SMARCA1: variants seen among roughly 807,000 people sequenced by gnomAD.
The protein encoded by SMARCA1 is SNF2 related chromatin remodeling ATPase 1.
Under a neutral mutation model 93.6 loss-of-function variants are expected in SMARCA1, and 17 were observed. The observed-to-expected ratio is 0.18, with a 90% CI of 0.12 to 0.27. SMARCA1 has a LOEUF of 0.27. Ranked by LOEUF, SMARCA1 falls within the 10% of genes least tolerant of loss-of-function variation. The pLI is 1.00. For missense variants in SMARCA1, 630 were observed against 819.0 expected (o/e 0.77, Z 2.82); for synonymous variants, 271 against 271.4 (o/e 1.00, Z 0.01).
At chrX:129,457,534 G>A (rs756294430) in intron 23 of SMARCA1, among the ~76,000 whole-genome samples, 4 of 112,217 alleles carry the variant, frequency 3.6e-5, no homozygotes, top group Admixed American at 1.9e-4. Context: ...TTGACACAGA[G>A]TTCATAAAAT....
chrX:129,491,179 C>A (rs1487726250), intron 14 of SMARCA1, among the ~76,000 whole-genome samples: 1 of 111,829 alleles, frequency 8.9e-6, no homozygotes, highest in Non-Finnish European at 1.9e-5. Flanking sequence ...CTAAGTTATA[C>A]CTCATTGGCA....
chrX:129,508,089 A>C lies in SMARCA1; in HGVS notation c.818T>G (p.Phe273Cys). 1 of 1,144,335 alleles carries C rather than the reference A, an allele frequency of 8.7e-7. No homozygotes were observed. Among genetic ancestry groups the C allele is most frequent in the Non-Finnish European group, 1.2e-6 (1 of 849,580 alleles). The allele number at this position is 1,144,335 out of a possible 1,213,427, so 94.3% of individuals were successfully genotyped here. ...TCCTGGCATCATTTCATCACGAATA[A>C]AAGCAGCCTAATGCAAAATAAAATA... ...FVGDKDARAA[F>C]IRDEMMPGEW... Residue 273 changes from phenylalanine (F) to cysteine (C), a missense_variant, in exon 7 of 25, where the codon TTT becomes TGT. This residue lies in a region of SMARCA1 where 382 missense variants were observed against 537.9 expected (regional missense o/e 0.71). Coordinates refer to ENST00000371121, the MANE Select transcript of SMARCA1 (RefSeq NM_001282874.2).
chrX:129,476,028 G>A (rs1403742810), intron 19 of SMARCA1, among the ~76,000 whole-genome samples: 7 of 112,171 alleles, frequency 6.2e-5, no homozygotes, highest in Non-Finnish European at 1.3e-4. Flanking sequence ...CTTTAGCTTC[G>A]AATGTGGCAA....
At chrX:129,467,666 C>A (rs1010036119) in intron 21 of SMARCA1, among the ~76,000 whole-genome samples, 5 of 109,195 alleles carry the variant, frequency 4.6e-5, no homozygotes, top group Non-Finnish European at 7.6e-5. Context: ...AAAAAAAAAT[C>A]TCTCTAATTA....
intron 17 of SMARCA1, among the ~76,000 whole-genome samples, 173 bp downstream of exon 17, chrX:129,486,845 G>A (rs189810536): frequency 0.017 from 1,901 of 111,068 alleles, 13 homozygotes; most frequent in South Asian, 0.035. Context: ...TGACGACGAC[G>A]ACGATAAACC....
intron 23 of SMARCA1, among the ~76,000 whole-genome samples, chrX:129,454,411 G>A (rs1250232349): frequency 1.8e-5 from 2 of 112,030 alleles, no homozygotes; most frequent in Non-Finnish European, 3.8e-5. Context: ...AACACCAAAA[G>A]CAATGGCAAC....
At chrX:129,448,891 TAA>T (rs1932140822) in intron 23 of SMARCA1, among the ~76,000 whole-genome samples, 1 of 109,689 alleles carries the variant, frequency 9.1e-6, no homozygotes. Flanking sequence ...GGTGTGACTG[TAA>T]AGAGATAGCA....
At chrX:129,503,588 T>C (rs547310785) in intron 9 of SMARCA1, among the ~76,000 whole-genome samples, 1 of 111,067 alleles carries the variant, frequency 9.0e-6, no homozygotes, top group African/African-American at 3.3e-5. Context: ...GGATTAGAGG[T>C]CTCTGTGAGG....
At position 129,476,005 on chromosome X, in the gene SMARCA1, G is replaced by A. The variant is rs771642223; in HGVS notation, c.2443-4679C>T. Among the ~76,000 whole-genome samples, 7 of 112,438 alleles carry A rather than the reference G, an allele frequency of 6.2e-5. No homozygotes were observed. The South Asian group carries it at 2.6e-3, about 41-fold the overall frequency. ...TTTTATTGGGGATAAATGTTAGAAT[G>A]TTCTATAGCTTTCTTTAGCTTCGAA... On this transcript the variant is annotated intron_variant, in intron 19 of 24. Transcript: ENST00000371121.
chrX:129,448,199 C>CA, intron 24 of SMARCA1, 134 bp downstream of exon 24: 1 of 625,196 alleles, frequency 1.6e-6, no homozygotes, highest in Non-Finnish European at 2.5e-6. Flanking sequence ...TTCTTCTGTC[C>CA]AAAACAAATT....
rs192368009 is a variant in SMARCA1 at position 129,501,786 on chromosome X, T to G, written c.1168-1945A>C. On this transcript the variant is annotated intron_variant, in intron 9 of 24. Coordinates refer to ENST00000371121, the MANE Select transcript of SMARCA1 (RefSeq NM_001282874.2). ...GAGCCACCACGCCCAGCTAATTTTT[T>G]GTATTTTTAGTAGAGATGTGGTTTC... 8.0e-3 allele frequency among the ~76,000 whole-genome samples: 884 copies of G among 110,597 alleles called. 10 individuals are homozygous for G. Among genetic ancestry groups the G allele is most frequent in the Non-Finnish European group, 0.01 (532 of 52,862 alleles).
intron 2 of SMARCA1, among the ~76,000 whole-genome samples, chrX:129,517,047 T>A (rs1303708692): frequency 4.5e-5 from 5 of 111,423 alleles, no homozygotes; most frequent in Non-Finnish European, 9.4e-5. Context: ...TGTCATGGTA[T>A]AGTAATGTAA....
At chrX:129,452,741 T>C (rs942420874) in intron 23 of SMARCA1, among the ~76,000 whole-genome samples, 8 of 112,115 alleles carry the variant, frequency 7.1e-5, no homozygotes, top group African/African-American at 2.6e-4. Flanking sequence ...TGAATACAGC[T>C]AAGTTAGGAT....
intron 23 of SMARCA1, among the ~76,000 whole-genome samples, chrX:129,450,360 G>A (rs775802897): frequency 1.8e-5 from 2 of 111,965 alleles, no homozygotes; most frequent in Non-Finnish European, 3.8e-5. Context: ...CTGGCACCTT[G>A]ATCTTGAACT....
intron 16 of SMARCA1, 143 bp downstream of exon 16, chrX:129,488,794 A>T: frequency 2.5e-6 from 1 of 397,921 alleles, no homozygotes; most frequent in Non-Finnish European, 4.2e-6. Context: ...CTGGAAATAG[A>T]TCTACAAGTT....
chrX:129,462,811 A>G (rs765094816), intron 23 of SMARCA1, among the ~76,000 whole-genome samples: 203 of 110,808 alleles, frequency 1.8e-3, no homozygotes, highest in Non-Finnish European at 3.4e-3. Context: ...TTTGGAAAAC[A>G]TAATTGAGAT....
chrX:129,452,544 G>A (rs1227548059), intron 23 of SMARCA1, among the ~76,000 whole-genome samples: 8 of 112,533 alleles, frequency 7.1e-5, no homozygotes, highest in Non-Finnish European at 1.5e-4. Flanking sequence ...ATTTCTTTAT[G>A]ATAGGACTTC....
At chrX:129,471,070 G>A in intron 20 of SMARCA1, 134 bp downstream of exon 20, 1 of 435,765 alleles carries the variant, frequency 2.3e-6, no homozygotes. Flanking sequence ...GTCTAAACAT[G>A]TTTACAAAAT....
intron 1 of SMARCA1, among the ~76,000 whole-genome samples, chrX:129,520,640 C>T (rs1418047540): frequency 9.1e-6 from 1 of 110,161 alleles, no homozygotes; most frequent in African/African-American, 3.3e-5. Flanking sequence ...AAACCAAGGA[C>T]GAAAATGTCT....
Sources: allele counts gnomAD v4.1 joint callset (sites outside exome capture counted in the v4.1 genomes callset), GRCh38; gene constraint gnomAD v4.1.1; regional missense constraint gnomAD v4.1.1; transcripts MANE v1.5; gene names NCBI Gene and HGNC (gene_info 2026-07-23, HGNC 2026-07-21).